Variants in RANBP17 observed in about 807,000 individuals in gnomAD.
RANBP17 encodes the protein ran-binding protein 17.
In RANBP17, 158 loss-of-function variants were observed where a neutral mutation model predicts 141.2. The ratio of observed to expected loss-of-function variants is 1.12; its 90% CI spans 0.98 to 1.28. The LOEUF is 1.28. Among genes scored for constraint, RANBP17 ranks in the 50% most tolerant of loss-of-function variants. The pLI, the probability that RANBP17 is intolerant of heterozygous loss-of-function variation, is 0.00. For synonymous variants in RANBP17, 430 were observed against 450.0 expected, an observed-to-expected ratio of 0.96 and a Z score of 0.56; for missense variants, 1,438 against 1,290.7, an observed-to-expected ratio of 1.11 and a Z score of -1.75.
chr5:171,006,652 G>A (rs1241351089), intron 14 of RANBP17, among the ~76,000 whole-genome samples: 1 of 151,506 alleles, frequency 6.6e-6, no homozygotes, highest in East Asian at 1.9e-4. Flanking sequence ...GTTACATGAC[G>A]AGTTAATGGG....
intron 1 of RANBP17, 121 bp from the exon 2 acceptor site, chr5:170,877,976 C>T (rs1024673665): frequency 4.9e-6 from 3 of 615,452 alleles, no homozygotes; most frequent in South Asian, 4.6e-5. Context: ...AGTTGTATAT[C>T]GATAAACATG....
In RANBP17 at chr5:170,878,127, C is replaced by T; in HGVS notation, c.49C>T (p.His17Tyr). The T allele has an allele frequency of 1.2e-6, 2 of 1,606,204 alleles. No homozygotes were observed. The highest frequency in any genetic ancestry group is 1.7e-6 in the Non-Finnish European group (2 of 1,176,254). The change falls in exon 2 of 28, where the codon CAT becomes TAT. Residue 17 changes from histidine (H) to tyrosine (Y), a missense_variant. Physicochemically the swap from His to Tyr is moderately conservative, Grantham distance 83. Transcript: ENST00000523189. ...SLAELEVLCTHLYIGTDLTQR... is the reference protein window; with the variant it reads ...SLAELEVLCTYLYIGTDLTQR... Reference sequence around the variant, plus strand: ...GGCTGAATTGGAAGTGTTATGTACTCATCTCTACATAGGGACTGATCTTAC... The same window carrying T: ...GGCTGAATTGGAAGTGTTATGTACTTATCTCTACATAGGGACTGATCTTAC...
At chr5:171,210,041 C>CTT (rs1487368051) in intron 20 of RANBP17, among the ~76,000 whole-genome samples, 2 of 152,228 alleles carry the variant, frequency 1.3e-5, no homozygotes, top group African/African-American at 4.8e-5. Flanking sequence ...TCCTGTAAGG[C>CTT]AGTGTCACAT....
chr5:171,296,135 T>G, intron 27 of RANBP17, 121 bp downstream of exon 27: 1 of 979,732 alleles, frequency 1.0e-6, no homozygotes, highest in Non-Finnish European at 1.5e-6. Flanking sequence ...CACCTTGTGA[T>G]CCTAGACTCA....
chr5:171,266,571 C>T (rs1163989466), intron 25 of RANBP17, among the ~76,000 whole-genome samples: 1 of 151,934 alleles, frequency 6.6e-6, no homozygotes, highest in African/African-American at 2.4e-5. Context: ...TTGCTTGAGC[C>T]CAGAAGTTCA....
At chr5:170,894,840 A>G (rs993432895) in intron 4 of RANBP17, among the ~76,000 whole-genome samples, 2 of 152,184 alleles carry the variant, frequency 1.3e-5, no homozygotes, top group African/African-American at 4.8e-5. Flanking sequence ...GTAAATGAAC[A>G]TAGTGCCTTC....
chr5:171,178,838 C>T (rs1760694502), intron 16 of RANBP17, among the ~76,000 whole-genome samples: 1 of 152,166 alleles, frequency 6.6e-6, no homozygotes. Flanking sequence ...AGTGTCTGTT[C>T]CTATCCGTCG....
At chr5:170,862,119 A>AC in intron 1 of RANBP17, 68 bp downstream of exon 1, 1 of 1,383,994 alleles carries the variant, frequency 7.2e-7, no homozygotes, top group East Asian at 3.1e-5. Context: ...GCGTCTGGAG[A>AC]CCGAGGGCCG....
At chr5:171,033,981 G>A (rs1048139770) in intron 14 of RANBP17, among the ~76,000 whole-genome samples, 7 of 152,096 alleles carry the variant, frequency 4.6e-5, no homozygotes, top group Non-Finnish European at 8.8e-5. Flanking sequence ...GCATGGTGGC[G>A]CATTCCTGTA....
chr5:171,259,004 T>A (rs955457670), intron 24 of RANBP17, among the ~76,000 whole-genome samples: 2 of 152,056 alleles, frequency 1.3e-5, no homozygotes, highest in Non-Finnish European at 2.9e-5. Context: ...CCAGAATATA[T>A]AAGGAACTCA....
chr5:170,948,981 C>T (rs540985475), intron 12 of RANBP17, among the ~76,000 whole-genome samples: 1 of 152,108 alleles, frequency 6.6e-6, no homozygotes, highest in Admixed American at 6.5e-5. Flanking sequence ...AGTGAGACAC[C>T]TCATCTCTAC....
intron 14 of RANBP17, among the ~76,000 whole-genome samples, chr5:171,038,838 G>A (rs528259716): frequency 2.6e-4 from 39 of 152,238 alleles, no homozygotes; most frequent in African/African-American, 9.1e-4. Context: ...ATTAATTGTT[G>A]ATGTGCTGCT....
chr5:171,186,690 C>T (rs547687491), intron 18 of RANBP17, among the ~76,000 whole-genome samples: 1 of 149,952 alleles, frequency 6.7e-6, no homozygotes, highest in East Asian at 2.0e-4. Flanking sequence ...GCGCCCGCCA[C>T]TACGCCCGGC....
chr5:171,187,951 A>T (rs1055386406), intron 18 of RANBP17, among the ~76,000 whole-genome samples: 1 of 152,252 alleles, frequency 6.6e-6, no homozygotes, highest in East Asian at 1.9e-4. Flanking sequence ...AAATGTGTTC[A>T]TACAAACAGA....
chr5:170,936,853 T>C (rs1251350737), intron 12 of RANBP17, among the ~76,000 whole-genome samples: 1 of 152,262 alleles, frequency 6.6e-6, no homozygotes, highest in African/African-American at 2.4e-5. Flanking sequence ...ATCTAATTCC[T>C]TAAATTTTTG....
intron 22 of RANBP17, among the ~76,000 whole-genome samples, chr5:171,224,975 C>T (rs111693478): frequency 5.3e-5 from 8 of 152,156 alleles, no homozygotes. Flanking sequence ...GAAAATACTT[C>T]ATGCCTCAAA....
At chr5:171,188,249 G>A (rs1761400198) in intron 18 of RANBP17, among the ~76,000 whole-genome samples, 1 of 152,212 alleles carries the variant, frequency 6.6e-6, no homozygotes, top group Admixed American at 6.5e-5. Context: ...CGTAAACCAG[G>A]CATGCAAAAC....
chr5:171,113,043 A>C (rs1460121215), intron 14 of RANBP17, among the ~76,000 whole-genome samples: 2 of 152,094 alleles, frequency 1.3e-5, no homozygotes, highest in Non-Finnish European at 2.9e-5. Flanking sequence ...TACTTAATAA[A>C]AGCTGGTTTT....
At chr5:171,068,313 G>A (rs1038510367) in intron 14 of RANBP17, among the ~76,000 whole-genome samples, 1 of 151,774 alleles carries the variant, frequency 6.6e-6, no homozygotes, top group African/African-American at 2.4e-5. Flanking sequence ...TGTTCTCCTG[G>A]TTTCCTTTCA....
Sources: allele counts gnomAD v4.1 joint callset (sites outside exome capture counted in the v4.1 genomes callset), GRCh38; gene constraint gnomAD v4.1.1; transcripts MANE v1.5; gene names NCBI Gene and HGNC (gene_info 2026-07-23, HGNC 2026-07-21).